PPP4R1: variants seen among roughly 807,000 people sequenced by gnomAD.
PPP4R1 encodes serine/threonine-protein phosphatase 4 regulatory subunit 1.
In PPP4R1, 42 loss-of-function variants were observed where a neutral mutation model predicts 111.2. The observed-to-expected ratio is 0.38, with a 90% CI of 0.29 to 0.49. The LOEUF is 0.49. Among genes scored for constraint, PPP4R1 ranks in the 20% least tolerant of loss-of-function variants. The pLI is 0.97. For synonymous variants in PPP4R1, 409 were observed against 405.5 expected (o/e 1.01, Z -0.10); for missense variants, 1,012 against 1,161.6 (o/e 0.87, Z 1.87).
chr18:9,563,596 A>G (rs2066713915), intron 11 of PPP4R1, 46 bp from the exon 12 acceptor site: 1 of 1,467,922 alleles, frequency 6.8e-7, no homozygotes, highest in Non-Finnish European at 9.3e-7. Context: ...ACACAATTGC[A>G]ATATTCTTAC....
chr18:9,551,068 G>A lies in PPP4R1; in HGVS notation c.2292-670C>T, dbSNP rs77362388. On this transcript the variant is annotated intron_variant, in intron 16 of 19. Transcript: ENST00000400556. ...ACATGAATATAGATTATGCAGCAATGATAAATGCACCTGTGTATACAAATA... is the reference window on the plus strand; with the variant it reads ...ACATGAATATAGATTATGCAGCAATAATAAATGCACCTGTGTATACAAATA... The A allele has an allele frequency of 8.3e-4, 127 of 152,322 alleles. 1 individual carries two copies. In the East Asian group the frequency reaches 0.021, roughly 25 times the overall value. The allele number at this position is 152,322 out of a possible 1,614,324, so 9.4% of individuals were successfully genotyped here.
At chr18:9,595,717 T>G (rs968560647) in intron 2 of PPP4R1, among the ~76,000 whole-genome samples, 1 of 152,178 alleles carries the variant, frequency 6.6e-6, no homozygotes, top group Non-Finnish European at 1.5e-5. Context: ...AACAATCTAC[T>G]TTAAAATGAT....
intron 2 of PPP4R1, among the ~76,000 whole-genome samples, chr18:9,601,730 T>C (rs895437697): frequency 3.9e-5 from 6 of 152,010 alleles, no homozygotes; most frequent in African/African-American, 1.4e-4. Flanking sequence ...TGGTCTCAAG[T>C]GATCCGCCCG....
At chr18:9,594,934 T>G in intron 3 of PPP4R1, 84 bp downstream of exon 3, 1 of 1,496,798 alleles carries the variant, frequency 6.7e-7, no homozygotes, top group Non-Finnish European at 9.1e-7. Flanking sequence ...ATACCTCCTT[T>G]AAAGTGGATA....
At position 9,557,511 on chromosome 18, in the gene PPP4R1, T is replaced by C. The variant is rs190051946; in HGVS notation, c.2029-129A>G. On this transcript the variant is annotated intron_variant, in intron 14 of 19. Transcript: ENST00000400556. ...CAAAAAATTAAATCAGAATAACAGATACTAACTTTAAATGCCTAAATTATG... is the reference window on the plus strand; with the variant it reads ...CAAAAAATTAAATCAGAATAACAGACACTAACTTTAAATGCCTAAATTATG... 4.5e-3 allele frequency: 3,545 copies of C among 783,064 alleles called. 21 individuals carry two copies. The highest frequency in any genetic ancestry group is 0.017 in the Admixed American group (459 of 26,978). The allele number at this position is 783,064 out of a possible 1,614,324, so 48.5% of individuals were successfully genotyped here.
In PPP4R1 at chr18:9,547,944, A is replaced by G. The variant is rs1481367047; in HGVS notation, c.2698T>C (p.Leu900=). 1.2e-6 allele frequency: 2 copies of G among 1,613,984 alleles called. No individual in the cohort carries two copies. Among genetic ancestry groups the G allele is most frequent in the Non-Finnish European group, 1.7e-6 (2 of 1,180,030 alleles). The change falls in exon 20 of 20, where the codon TTG becomes CTG. Residue 900 remains leucine (L), a synonymous_variant. Transcript: ENST00000400556. ...RQTLLEKDYF[L]ASASCHQEAV... is the part of the protein sequence containing the mutation. Reference sequence around the variant, plus strand: ...TCCTGGTGGCAGCTGGCAGAGGCCAAGAAATAGTCTGGAAATGACATGTGC... The same window carrying G: ...TCCTGGTGGCAGCTGGCAGAGGCCAGGAAATAGTCTGGAAATGACATGTGC...
At position 9,557,392 on chromosome 18, in the gene PPP4R1, T is replaced by C; in HGVS notation, c.2029-10A>G. ...TTCGTCGAACTTTCCACTGCAGAAA[T>C]GAAAACACATTAGTAAGCTAACCAC... On this transcript the variant is annotated splice_polypyrimidine_tract_variant and intron_variant, in intron 14 of 19. Transcript: ENST00000400556. The C allele has an allele frequency of 1.3e-6, 2 of 1,592,628 alleles. No individual in the cohort carries two copies. The highest frequency in any genetic ancestry group is 3.7e-5 in the Admixed American group (2 of 53,768).
rs2066425928 is a variant in PPP4R1, at chr18:9,547,967, T to C, written c.2690-15A>G. 10 of 1,613,144 alleles carry C rather than the reference T, an allele frequency of 6.2e-6. No homozygotes were observed. Among genetic ancestry groups the C allele is most frequent in the Non-Finnish European group, 8.5e-6 (10 of 1,179,782 alleles). ...CAAGAAATAGTCTGGAAATGACATG[T>C]GCATAGGACAGATGAAACCAGTCCA... On this transcript the variant is annotated splice_polypyrimidine_tract_variant and intron_variant, in intron 19 of 19. Transcript: ENST00000400556.
upstream of PPP4R1, chr18:9,614,583 G>GGGA (rs1299441183): frequency 4.8e-5 from 37 of 774,202 alleles, no homozygotes; most frequent in Admixed American, 6.4e-5. The surrounding 1 kb of genome is among the most constrained non-coding windows in gnomAD (Gnocchi z 4.1). Context: ...AGGGGCGGCG[G>GGGA]GGAGGAGGAG....
chr18:9,613,598 A>G (rs2067623100), intron 2 of PPP4R1: 2 of 151,910 alleles, frequency 1.3e-5, no homozygotes, highest in Admixed American at 6.6e-5. Context: ...TTAAAGAAAT[A>G]TGCTCTCCAA....
chr18:9,585,391 T>C (rs1212202732), intron 6 of PPP4R1, among the ~76,000 whole-genome samples: 8 of 152,188 alleles, frequency 5.3e-5, no homozygotes, highest in Non-Finnish European at 8.8e-5. Flanking sequence ...AGTTCTGATA[T>C]AGGCATGTTT....
At chr18:9,566,916 A>G (rs1407625530) in intron 11 of PPP4R1, among the ~76,000 whole-genome samples, 1 of 152,214 alleles carries the variant, frequency 6.6e-6, no homozygotes, top group African/African-American at 2.4e-5. Context: ...TGGTCACCCA[A>G]GAGCTCTGAT....
rs756845687 is a variant in PPP4R1 at position 9,588,863 on chromosome 18, T to C, written c.296-10A>G. 6.2e-6 allele frequency: 10 copies of C among 1,610,902 alleles called. No homozygotes were observed. Among genetic ancestry groups the C allele is most frequent in the Non-Finnish European group, 7.6e-6 (9 of 1,179,034 alleles). Reference sequence around the variant, plus strand: ...GCTCTCACAGTTGGTTCTATTGAAATAACGGCAATGTGAGCAAACATGTTC... The same window carrying C: ...GCTCTCACAGTTGGTTCTATTGAAACAACGGCAATGTGAGCAAACATGTTC... On this transcript the variant is annotated splice_polypyrimidine_tract_variant and intron_variant, in intron 4 of 19. Coordinates refer to ENST00000400556, the MANE Select transcript of PPP4R1 (RefSeq NM_001042388.3).
intron 2 of PPP4R1, among the ~76,000 whole-genome samples, chr18:9,608,529 A>G (rs1446918549): frequency 6.6e-6 from 1 of 152,244 alleles, no homozygotes; most frequent in African/African-American, 2.4e-5. Flanking sequence ...ATGTGGAGGA[A>G]GCAGCATTGA....
At chr18:9,603,009 T>C (rs2067417721) in intron 2 of PPP4R1, among the ~76,000 whole-genome samples, 1 of 152,208 alleles carries the variant, frequency 6.6e-6, no homozygotes, top group Non-Finnish European at 1.5e-5. Context: ...TCTGCAACAG[T>C]GTTAGGCAAA....
intron 2 of PPP4R1, among the ~76,000 whole-genome samples, chr18:9,613,020 T>C (rs1272345621): frequency 6.6e-6 from 1 of 152,206 alleles, no homozygotes; most frequent in African/African-American, 2.4e-5. Context: ...CATTAGACAA[T>C]GCTAAGGATT....
rs367930614 is a variant in PPP4R1 at position 9,583,371 on chromosome 18, T to C, written c.760-96A>G. 7.0e-5 allele frequency: 86 copies of C among 1,235,932 alleles called. No individual in the cohort carries two copies. The East Asian group carries it at 1.9e-3, about 28-fold the overall frequency. The allele number at this position is 1,235,932 out of a possible 1,614,324, so 76.6% of individuals were successfully genotyped here. A position where few individuals can be genotyped will look rare whatever the true frequency, so the allele number is the denominator to read the frequency against. On this transcript the variant is annotated intron_variant, in intron 8 of 19. Transcript: ENST00000400556. ...TTTCTGCTTTCACGCTTCTTTTGTTTGTTTGTTTGTTTTGAGACAGAGTCT... is the reference window on the plus strand; with the variant it reads ...TTTCTGCTTTCACGCTTCTTTTGTTCGTTTGTTTGTTTTGAGACAGAGTCT...
intron 11 of PPP4R1, among the ~76,000 whole-genome samples, chr18:9,568,669 T>C (rs931098135): frequency 1.3e-5 from 2 of 152,226 alleles, no homozygotes; most frequent in Admixed American, 6.5e-5. Context: ...GCAGGTACTA[T>C]AATACAATGA....
chr18:9,556,747 C>T (rs2066592930), intron 15 of PPP4R1, among the ~76,000 whole-genome samples: 1 of 152,180 alleles, frequency 6.6e-6, no homozygotes, highest in Admixed American at 6.5e-5. Context: ...CTTTCAACAA[C>T]AGGGGTTTGA....
Sources: allele counts gnomAD v4.1 joint callset (sites outside exome capture counted in the v4.1 genomes callset), GRCh38; gene constraint gnomAD v4.1.1; non-coding constraint Gnocchi (gnomAD v3.1); transcripts MANE v1.5; gene names NCBI Gene and HGNC (gene_info 2026-07-23, HGNC 2026-07-21).